CCDC171: variants seen among roughly 807,000 people sequenced by gnomAD.
The protein encoded by CCDC171 is coiled-coil domain-containing protein 171.
A neutral mutation model predicts 168.2 loss-of-function variants in CCDC171; 177 were observed. The ratio of observed to expected loss-of-function variants is 1.05; its 90% CI spans 0.93 to 1.19. The LOEUF is 1.19. Ranked by LOEUF, CCDC171 falls within the 50% of genes most tolerant of loss-of-function variation. CCDC171 has a pLI of 0.00. For missense variants in CCDC171, 1,991 were observed against 1,539.0 expected (o/e 1.29, Z -4.91); for synonymous variants, 687 against 540.8 (o/e 1.27, Z -3.75).
intron 25 of CCDC171, among the ~76,000 whole-genome samples, chr9:15,926,927 C>T (rs944164998): frequency 6.6e-6 from 1 of 151,596 alleles, no homozygotes; most frequent in African/African-American, 2.4e-5. Context: ...ATAATAAGTA[C>T]TGTATTACCA....
At chr9:15,911,228 G>A (rs1176230102) in intron 24 of CCDC171, among the ~76,000 whole-genome samples, 1 of 152,156 alleles carries the variant, frequency 6.6e-6, no homozygotes. Context: ...ACTTTTTAAT[G>A]ACAGCCATTC....
intron 24 of CCDC171, among the ~76,000 whole-genome samples, chr9:15,878,384 A>C (rs1381118393): frequency 6.6e-6 from 1 of 152,130 alleles, no homozygotes. Flanking sequence ...AAACTCAACA[A>C]CATTGCTGAT....
chr9:16,047,333 A>T, intron 1 of CCDC171, among the ~76,000 whole-genome samples: 1 of 152,062 alleles, frequency 6.6e-6, no homozygotes, highest in South Asian at 2.1e-4. Flanking sequence ...CCAAGCCAGA[A>T]ATCTGGGAGC....
chr9:15,648,626 C>A (rs529264569), intron 7 of CCDC171, among the ~76,000 whole-genome samples: 4 of 152,212 alleles, frequency 2.6e-5, no homozygotes, highest in African/African-American at 9.7e-5. Context: ...AGAGCCAACT[C>A]ATGAGTGAAC....
At chr9:15,698,183 C>T (rs2051367067) in intron 11 of CCDC171, among the ~76,000 whole-genome samples, 1 of 152,188 alleles carries the variant, frequency 6.6e-6, no homozygotes, top group South Asian at 2.1e-4. Flanking sequence ...CACCATTCTA[C>T]TCTCTACCTC....
At chr9:15,786,607 G>A (rs1325349859) in intron 21 of CCDC171, among the ~76,000 whole-genome samples, 5 of 152,074 alleles carry the variant, frequency 3.3e-5, no homozygotes, top group Non-Finnish European at 7.4e-5. Flanking sequence ...CTGAGCTGAA[G>A]CTCAGCCATT....
chr9:15,706,583 C>T (rs930513275), intron 11 of CCDC171, among the ~76,000 whole-genome samples: 4 of 152,182 alleles, frequency 2.6e-5, no homozygotes, highest in African/African-American at 9.7e-5. Context: ...CTACTGTGCC[C>T]AGCCCCATGT....
chr9:16,049,633 T>C (rs775576594), intron 1 of CCDC171, among the ~76,000 whole-genome samples: 48 of 152,302 alleles, frequency 3.2e-4, no homozygotes, highest in Non-Finnish European at 5.0e-4. Flanking sequence ...GACCTTGGAC[T>C]GAGAGATACA....
At chr9:16,071,607 G>A in the CCDC171 span, among the ~76,000 whole-genome samples, 1 of 152,218 alleles carries the variant, frequency 6.6e-6, no homozygotes, top group South Asian at 2.1e-4. Flanking sequence ...GAGCACAGCT[G>A]GCTGAGGTTG....
intron 25 of CCDC171, among the ~76,000 whole-genome samples, chr9:15,956,656 T>C (rs1461108321): frequency 1.3e-5 from 2 of 152,124 alleles, no homozygotes; most frequent in African/African-American, 4.8e-5. Context: ...TAGATCATTT[T>C]TCAAAAAAGG....
At chr9:15,769,949 T>A (rs1273828295) in intron 18 of CCDC171, among the ~76,000 whole-genome samples, 1 of 152,206 alleles carries the variant, frequency 6.6e-6, no homozygotes, top group African/African-American at 2.4e-5. Context: ...CATAGTTCTT[T>A]CCTTTCCAAT....
chr9:15,871,835 G>A (rs2062051144), intron 23 of CCDC171, among the ~76,000 whole-genome samples: 1 of 151,334 alleles, frequency 6.6e-6, no homozygotes, highest in Non-Finnish European at 1.5e-5. Context: ...CTTCTCCTTT[G>A]CTGCATGATT....
chr9:15,888,286 A>AG (rs1445708478), intron 24 of CCDC171, among the ~76,000 whole-genome samples: 1 of 152,176 alleles, frequency 6.6e-6, no homozygotes, highest in Non-Finnish European at 1.5e-5. Context: ...AATAATTGGA[A>AG]GCCATACATA....
At chr9:15,597,672 G>A (rs1587280010) in intron 6 of CCDC171, among the ~76,000 whole-genome samples, 1 of 152,152 alleles carries the variant, frequency 6.6e-6, no homozygotes. Flanking sequence ...AATGAGTTAG[G>A]GAGGATTCCC....
chr9:15,984,854 T>C (rs963109497), intron 3 of CCDC171, among the ~76,000 whole-genome samples: 10 of 152,174 alleles, frequency 6.6e-5, no homozygotes, highest in Admixed American at 6.5e-5. Context: ...GATATTGTGC[T>C]AAGTTTAAAG....
At chr9:15,692,850 T>C (rs2050915569) in intron 10 of CCDC171, among the ~76,000 whole-genome samples, 1 of 149,440 alleles carries the variant, frequency 6.7e-6, no homozygotes, top group Non-Finnish European at 1.5e-5. Flanking sequence ...TTAAAAATGA[T>C]TCTAGGCCGG....
At chr9:15,840,455 G>A (rs2060631257) in intron 21 of CCDC171, among the ~76,000 whole-genome samples, 1 of 152,082 alleles carries the variant, frequency 6.6e-6, no homozygotes. Flanking sequence ...GTATGCTATA[G>A]CTGATAAGGT....
intron 6 of CCDC171, among the ~76,000 whole-genome samples, chr9:15,604,070 T>A (rs201452102): frequency 6.6e-6 from 1 of 150,474 alleles, no homozygotes; most frequent in South Asian, 2.1e-4. Context: ...AGTGTCTGTT[T>A]ATGTCCTTTG....
At chr9:15,990,941 C>A (rs1036529685) in intron 3 of CCDC171, among the ~76,000 whole-genome samples, 20 of 152,242 alleles carry the variant, frequency 1.3e-4, no homozygotes, top group African/African-American at 4.8e-4. Flanking sequence ...CCTTAGAGAC[C>A]TACAAAGAGA....
Sources: allele counts gnomAD v4.1 joint callset (sites outside exome capture counted in the v4.1 genomes callset), GRCh38; gene constraint gnomAD v4.1.1; transcripts MANE v1.5; gene names NCBI Gene and HGNC (gene_info 2026-07-23, HGNC 2026-07-21).